CFAP61: variants seen among roughly 807,000 people sequenced by gnomAD.
CFAP61 encodes the protein cilia- and flagella-associated protein 61.
CFAP61 carries 107 observed loss-of-function variants against 135.6 expected under a neutral mutation model. The ratio of observed to expected loss-of-function variants is 0.79; its 90% confidence interval spans 0.67 to 0.93. CFAP61 has a LOEUF of 0.93. Ranked by LOEUF, CFAP61 falls within the 40% of genes least tolerant of loss-of-function variation. CFAP61 has a pLI of 0.00. For missense variants in CFAP61, 1,507 were observed against 1,556.2 expected (o/e 0.97, Z 0.53); for synonymous variants, 575 against 578.5 (o/e 0.99, Z 0.09).
At position 20,360,616 on chromosome 20, in the gene CFAP61, G is replaced by T; in HGVS notation, c.*206G>T. ...CACGGCCGTGTGCCTCTCTTCTGGGGCAGGCTCGCTTTACAAATCCCAGGC... is the reference window on the plus strand; with the variant it reads ...CACGGCCGTGTGCCTCTCTTCTGGGTCAGGCTCGCTTTACAAATCCCAGGC... On this transcript the variant is annotated 3_prime_UTR_variant, in exon 27 of 27. Coordinates refer to ENST00000245957, the MANE Select transcript of CFAP61 (RefSeq NM_015585.4). 1 of 581,792 alleles carries T rather than the reference G, an allele frequency of 1.7e-6. No individual in the cohort carries two copies. The highest frequency in any genetic ancestry group is 3.0e-6 in the Non-Finnish European group (1 of 330,078). The allele number at this position is 581,792 out of a possible 1,614,324, so 36.0% of individuals were successfully genotyped here. A position where few individuals can be genotyped will look rare whatever the true frequency, so the allele number is the denominator to read the frequency against.
chr20:20,346,817 T>G (rs1489910735), intron 26 of CFAP61, among the ~76,000 whole-genome samples: 1 of 152,242 alleles, frequency 6.6e-6, no homozygotes, highest in East Asian at 1.9e-4. Flanking sequence ...TAATGCAGAC[T>G]TCTGTATTTT....
intron 25 of CFAP61, among the ~76,000 whole-genome samples, chr20:20,324,791 C>T (rs549561649): frequency 6.6e-6 from 1 of 152,220 alleles, no homozygotes; most frequent in East Asian, 1.9e-4. Flanking sequence ...TTTCAACTTG[C>T]CTCTCTTCAG....
chr20:20,277,555 G>T lies in CFAP61; in HGVS notation c.2796+97G>T, dbSNP rs954193228. ...GAAGATTGCGGGCAGTGAATTTGTA[G>T]TACCAGATGTTGGATTTTGTTTTCT... On this transcript the variant is annotated intron_variant, in intron 22 of 26. Transcript: ENST00000245957. 5 of 1,308,098 alleles carry T rather than the reference G, an allele frequency of 3.8e-6. No homozygotes were observed. In the African/African-American group the frequency reaches 5.9e-5, roughly 15 times the overall value. The allele number at this position is 1,308,098 out of a possible 1,614,324, so 81.0% of individuals were successfully genotyped here.
intron 13 of CFAP61, among the ~76,000 whole-genome samples, chr20:20,185,282 A>G (rs191308610): frequency 6.6e-6 from 1 of 152,340 alleles, no homozygotes; most frequent in African/African-American, 2.4e-5. Context: ...CTGACTTAAC[A>G]TTTGATAAGC....
In CFAP61 at chr20:20,341,926, G is replaced by C. The variant is rs778271790; in HGVS notation, c.3513+5G>C. The C allele has an allele frequency of 2.0e-5, 32 of 1,596,138 alleles. No homozygotes were observed. Among genetic ancestry groups the C allele is most frequent in the Middle Eastern group, 1.8e-4 (1 of 5,456 alleles). On this transcript the variant is annotated splice_donor_5th_base_variant and intron_variant, in intron 26 of 26. Coordinates refer to ENST00000245957, the MANE Select transcript of CFAP61 (RefSeq NM_015585.4). ...CAAATCTTAGCCTCCAAGGAGGTAA[G>C]AGTGATTAATGGATATGTGGATTAT...
chr20:20,250,829 C>G (rs9808605), intron 19 of CFAP61, among the ~76,000 whole-genome samples: 16,664 of 152,176 alleles, frequency 0.11, 932 homozygotes, highest in Middle Eastern at 0.16. Context: ...GAAACCCACT[C>G]TTATCATACT....
intron 8 of CFAP61, among the ~76,000 whole-genome samples, chr20:20,134,592 A>AG (rs1256639666): frequency 3.9e-5 from 6 of 152,208 alleles, no homozygotes; most frequent in African/African-American, 1.2e-4. Context: ...GAAGGAGATG[A>AG]GGAGGGATTG....
At chr20:20,162,348 A>G (rs530351975) in intron 10 of CFAP61, among the ~76,000 whole-genome samples, 11 of 152,340 alleles carry the variant, frequency 7.2e-5, no homozygotes, top group African/African-American at 2.6e-4. Context: ...TACCTGTAAC[A>G]TCTTTGGGGA....
chr20:20,360,698 A>T lies in CFAP61; in HGVS notation c.*288A>T. ...ATAAAATGAGATCATAGTGTGTAAA[A>T]CTTGTTTTTACCTTGGGTGTGATTC... On this transcript the variant is annotated 3_prime_UTR_variant, in exon 27 of 27. Coordinates refer to ENST00000245957, the MANE Select transcript of CFAP61 (RefSeq NM_015585.4). The T allele has an allele frequency of 2.9e-6, 1 of 342,060 alleles. No homozygotes were observed. The highest frequency in any genetic ancestry group is 5.2e-6 in the Non-Finnish European group (1 of 191,264). The allele number at this position is 342,060 out of a possible 1,614,324, so 21.2% of individuals were successfully genotyped here. A position where few individuals can be genotyped will look rare whatever the true frequency, so the allele number is the denominator to read the frequency against.
chr20:20,105,808 GT>G (rs11087305), intron 8 of CFAP61, among the ~76,000 whole-genome samples: 87,430 of 140,738 alleles, frequency 0.62, 27,405 homozygotes, highest in Middle Eastern at 0.69. Context: ...ATTTTTTTGA[GT>G]TTTTTTTTTT....
intron 6 of CFAP61, among the ~76,000 whole-genome samples, chr20:20,077,843 A>G (rs1040393193): frequency 6.6e-6 from 1 of 152,218 alleles, no homozygotes; most frequent in Non-Finnish European, 1.5e-5. Context: ...TATTGTGCAG[A>G]TGAGGCCTCC....
intron 8 of CFAP61, among the ~76,000 whole-genome samples, chr20:20,120,894 T>C (rs1283034581): frequency 3.9e-5 from 6 of 152,180 alleles, no homozygotes; most frequent in African/African-American, 1.4e-4. Flanking sequence ...ATCTTCTTTG[T>C]CTTTTTTAGA....
chr20:20,089,543 AAAAT>A (rs749526000), intron 6 of CFAP61, among the ~76,000 whole-genome samples: 4 of 152,170 alleles, frequency 2.6e-5, no homozygotes, highest in Non-Finnish European at 5.9e-5. Flanking sequence ...ATACTAGAAA[AAAAT>A]AACACAATGC....
chr20:20,203,714 T>A (rs563296259), intron 17 of CFAP61, among the ~76,000 whole-genome samples: 8 of 152,158 alleles, frequency 5.3e-5, no homozygotes, highest in Non-Finnish European at 1.0e-4. Context: ...TTACACTTAT[T>A]TTGAGGGTGG....
At chr20:20,167,140 C>T (rs2053898711) in intron 12 of CFAP61, among the ~76,000 whole-genome samples, 1 of 152,138 alleles carries the variant, frequency 6.6e-6, no homozygotes, top group South Asian at 2.1e-4. Context: ...CTGTACTTCT[C>T]CAGTTGACTG....
chr20:20,198,804 GC>G (rs2056450436), intron 16 of CFAP61, among the ~76,000 whole-genome samples: 1 of 152,176 alleles, frequency 6.6e-6, no homozygotes, highest in Non-Finnish European at 1.5e-5. Context: ...TCTTAGAAGG[GC>G]CGGGGCTATT....
At chr20:20,191,298 A>G (rs2055902665) in intron 14 of CFAP61, 44 bp from the exon 15 acceptor site, 1 of 1,518,584 alleles carries the variant, frequency 6.6e-7, no homozygotes, top group East Asian at 2.3e-5. Flanking sequence ...AAACATTCAT[A>G]GCCATATTTT....
chr20:20,112,431 AATTTT>A (rs1019164972), intron 8 of CFAP61, among the ~76,000 whole-genome samples: 5 of 152,070 alleles, frequency 3.3e-5, no homozygotes, highest in African/African-American at 7.2e-5. Context: ...CAACATATCT[AATTTT>A]ATTTTATTTT....
intron 25 of CFAP61, among the ~76,000 whole-genome samples, chr20:20,319,488 A>C (rs1441264975): frequency 1.3e-5 from 2 of 152,172 alleles, no homozygotes; most frequent in African/African-American, 4.8e-5. Flanking sequence ...TGTTCTTGTA[A>C]TAGTGAGTTC....
Sources: gnomAD v4.1 joint callset for allele counts (sites outside exome capture counted in the v4.1 genomes callset) on GRCh38, gnomAD v4.1.1 for gene constraint, MANE v1.5 for transcripts, NCBI Gene and HGNC (gene_info 2026-07-23, HGNC 2026-07-21) for gene names.